The following CLMN variants were observed in gnomAD, a reference collection of about 807,000 sequenced individuals.
CLMN encodes calmin (calponin-like, transmembrane).
Under a neutral mutation model 92.7 loss-of-function variants are expected in CLMN, and 57 were observed. That is an observed-to-expected ratio of 0.61 (90% confidence interval 0.50 to 0.77). CLMN has a LOEUF of 0.77. Ranked by LOEUF, CLMN falls within the 30% of genes least tolerant of loss-of-function variation. The pLI is 0.00. For synonymous variants in CLMN, 466 were observed against 470.6 expected, an observed-to-expected ratio of 0.99 and a Z score of 0.13; for missense variants, 1,158 against 1,237.5, an observed-to-expected ratio of 0.94 and a Z score of 0.96.
At chr14:95,248,125 A>G (rs1898644659) in intron 1 of CLMN, among the ~76,000 whole-genome samples, 1 of 151,752 alleles carries the variant, frequency 6.6e-6, no homozygotes, top group African/African-American at 2.4e-5. Context: ...AAAAAAAAAG[A>G]GGAAAGAGGG....
chr14:95,209,917 G>A (rs925120511), intron 7 of CLMN, among the ~76,000 whole-genome samples: 2 of 152,180 alleles, frequency 1.3e-5, no homozygotes, highest in African/African-American at 4.8e-5. Flanking sequence ...TTCTGCTAAT[G>A]AAACCTGGTC....
intron 1 of CLMN, among the ~76,000 whole-genome samples, chr14:95,266,583 T>C (rs1463292836): frequency 6.6e-6 from 1 of 152,160 alleles, no homozygotes; most frequent in African/African-American, 2.4e-5. Context: ...TGTTCATGGA[T>C]TGGAAGAATT....
Position 95,294,527 on chromosome 14 carries a change from T to A in CLMN, c.82+25184A>T, listed in dbSNP as rs1900729455. 2.0e-5 allele frequency among the ~76,000 whole-genome samples: 3 copies of A among 151,966 alleles called. No homozygotes were observed. Among genetic ancestry groups the A allele is most frequent in the Admixed American group, 2.0e-4 (3 of 15,238 alleles). ...GACAGACCTGCATCCACATTCCGGC[T>A]CCCCCTCCCTCACCTGTCCCTTCCG... On this transcript the variant is annotated intron_variant, in intron 1 of 12. Coordinates refer to ENST00000298912, the MANE Select transcript of CLMN (RefSeq NM_024734.4). This position sits in a 1 kb window ranked among gnomAD's most constrained non-coding sequence, Gnocchi z 4.2.
rs189800165 is a variant in CLMN at position 95,298,961 on chromosome 14, G to A, written c.82+20750C>T. On this transcript the variant is annotated intron_variant, in intron 1 of 12. Coordinates refer to ENST00000298912, the MANE Select transcript of CLMN (RefSeq NM_024734.4). Reference sequence around the variant, plus strand: ...GTTACCACCAGGTTCCAGTTACTTTGGTACCCCACAGAAAGCCACTTCCAG... The same window carrying A: ...GTTACCACCAGGTTCCAGTTACTTTAGTACCCCACAGAAAGCCACTTCCAG... Among the ~76,000 whole-genome samples, 532 of 152,250 alleles carry A rather than the reference G, an allele frequency of 3.5e-3. 4 individuals are homozygous for A. The highest frequency in any genetic ancestry group is 0.012 in the African/African-American group (489 of 41,526).
At position 95,213,386 on chromosome 14, in the gene CLMN, G is replaced by A. The variant is rs771542313; in HGVS notation, c.441C>T (p.Leu147=). ...FFQIKELTGN[L]SRNSPSSSLS... ...AGCTGGAAGATGGAGAGTTTCTGCT[G>A]AGGTTGCCTGTGAGCTCCTTAATCT... is the stretch of plus-strand genomic sequence containing the variant. Residue 147 remains leucine (L), a synonymous_variant, in exon 6 of 13, where the codon CTC becomes CTT. Transcript: ENST00000298912. 3.5e-5 allele frequency: 57 copies of A among 1,609,672 alleles called. No homozygotes were observed. Among genetic ancestry groups the A allele is most frequent in the Non-Finnish European group, 4.5e-5 (53 of 1,178,450 alleles).
rs1896507163 is a variant in CLMN, at chr14:95,189,252, T to C, written c.*2312A>G. The C allele has an allele frequency of 6.6e-6, 1 of 152,214 alleles. No homozygotes were observed. The highest frequency in any genetic ancestry group is 1.5e-5 in the Non-Finnish European group (1 of 68,034). The allele number at this position is 152,214 out of a possible 1,614,324, so 9.4% of individuals were successfully genotyped here. On this transcript the variant is annotated 3_prime_UTR_variant, in exon 13 of 13. Transcript: ENST00000298912. ...AATTAAAAAATAAAGTGTAAGCACG[T>C]TATGTAGAAATGCAAACATAAGAGA...
At chr14:95,252,479 A>G (rs1167745075) in intron 1 of CLMN, among the ~76,000 whole-genome samples, 3 of 152,228 alleles carry the variant, frequency 2.0e-5, no homozygotes, top group African/African-American at 7.2e-5. Context: ...AGTCCAAGCA[A>G]GACTCATTGC....
At chr14:95,261,698 G>T (rs968992561) in intron 1 of CLMN, among the ~76,000 whole-genome samples, 6 of 152,242 alleles carry the variant, frequency 3.9e-5, no homozygotes, top group African/African-American at 7.2e-5. Flanking sequence ...CACAACTGCT[G>T]TCGGGAAGGA....
At chr14:95,314,223 A>G (rs1901664333) in intron 1 of CLMN, among the ~76,000 whole-genome samples, 1 of 152,236 alleles carries the variant, frequency 6.6e-6, no homozygotes, top group Non-Finnish European at 1.5e-5. Flanking sequence ...ATACCTCCCT[A>G]GGTACCTTCA....
intron 1 of CLMN, among the ~76,000 whole-genome samples, chr14:95,245,220 ATATATTAT>A (rs1898463228): frequency 3.3e-5 from 1 of 30,322 alleles, no homozygotes; most frequent in African/African-American, 2.1e-4. Flanking sequence ...ATATATATAT[ATATATTAT>A]ATATATATAT....
At chr14:95,234,206 G>C (rs1362696491) in intron 1 of CLMN, among the ~76,000 whole-genome samples, 2 of 152,178 alleles carry the variant, frequency 1.3e-5, no homozygotes, top group Admixed American at 6.5e-5. Context: ...ATGCTACGGA[G>C]ATTAAATGAT....
intron 1 of CLMN, among the ~76,000 whole-genome samples, chr14:95,277,827 A>G (rs1027025823): frequency 3.9e-5 from 6 of 152,132 alleles, no homozygotes; most frequent in Non-Finnish European, 7.4e-5. Flanking sequence ...GAGTTTCACC[A>G]TATTGGTCAG....
At position 95,302,351 on chromosome 14, in the gene CLMN, G is replaced by T. The variant is rs566792828; in HGVS notation, c.82+17360C>A. 2.0e-4 allele frequency among the ~76,000 whole-genome samples: 30 copies of T among 151,784 alleles called. No individual in the cohort carries two copies. In the South Asian group the frequency reaches 3.4e-3, roughly 17 times the overall value. ...AAGAGGAAGGAAGGAAAGAAGGAAG[G>T]AGGGAAGGAGGGAGGAAGGAAAAGG... On this transcript the variant is annotated intron_variant, in intron 1 of 12. Transcript: ENST00000298912.
intron 2 of CLMN, 102 bp from the exon 3 acceptor site, chr14:95,223,957 T>A (rs919696903): frequency 6.2e-6 from 5 of 807,800 alleles, no homozygotes; most frequent in Non-Finnish European, 9.9e-6. Flanking sequence ...CTTCCAAACA[T>A]CCAGCTCTGT....
intron 1 of CLMN, among the ~76,000 whole-genome samples, chr14:95,233,708 G>C (rs891346427): frequency 2.0e-5 from 3 of 152,230 alleles, no homozygotes; most frequent in African/African-American, 7.2e-5. Context: ...TTCAGACCCC[G>C]TGAGGTACTC....
At chr14:95,231,193 CTT>C (rs59211402) in intron 1 of CLMN, among the ~76,000 whole-genome samples, 49 of 137,298 alleles carry the variant, frequency 3.6e-4, no homozygotes, top group African/African-American at 7.0e-4. Flanking sequence ...AATCCTCTAA[CTT>C]TTTTTTTTTT....
chr14:95,303,506 T>C (rs1421951454), intron 1 of CLMN, among the ~76,000 whole-genome samples: 2 of 152,344 alleles, frequency 1.3e-5, no homozygotes, highest in South Asian at 4.1e-4. Flanking sequence ...CCTCTGCCTC[T>C]GCAGCTGCAC....
At chr14:95,300,213 C>G (rs796284812) in intron 1 of CLMN, among the ~76,000 whole-genome samples, 7 of 152,326 alleles carry the variant, frequency 4.6e-5, no homozygotes, top group African/African-American at 1.7e-4. Flanking sequence ...ATCCTGCCCC[C>G]AAAGGGCTCA....
At chr14:95,278,941 C>T (rs1268897725) in intron 1 of CLMN, among the ~76,000 whole-genome samples, 1 of 152,164 alleles carries the variant, frequency 6.6e-6, no homozygotes, top group Non-Finnish European at 1.5e-5. Context: ...GCATGCTTTC[C>T]TGGCCCTGTT....
Sources: gnomAD v4.1 joint callset for allele counts (sites outside exome capture counted in the v4.1 genomes callset) on GRCh38, gnomAD v4.1.1 for gene constraint, Gnocchi (gnomAD v3.1) non-coding constraint, MANE v1.5 for transcripts, NCBI Gene and HGNC (gene_info 2026-07-23, HGNC 2026-07-21) for gene names.